DOCK8: variants seen among roughly 807,000 people sequenced by gnomAD.
DOCK8 encodes dedicator of cytokinesis protein 8.
Under a neutral mutation model 245.6 loss-of-function variants are expected in DOCK8, and 141 were observed. The observed-to-expected ratio is 0.57, with a 90% CI of 0.50 to 0.66. The LOEUF (loss-of-function observed/expected upper bound fraction) is 0.66, where lower values mean the gene tolerates loss of function less well. Ranked by LOEUF, DOCK8 falls within the 30% of genes least tolerant of loss-of-function variation. DOCK8 has a pLI of 0.00. For missense variants in DOCK8, 2,965 were observed against 2,603.4 expected (o/e 1.14, Z -3.02); for synonymous variants, 1,168 against 970.2 (o/e 1.20, Z -3.79).
Position 464,399 on chromosome 9 carries a change from G to A in DOCK8, c.*180G>A. 1.5e-6 allele frequency: 1 copy of A among 679,620 alleles called. No homozygotes were observed. The highest frequency in any genetic ancestry group is 2.7e-5 in the East Asian group (1 of 37,100). 42.1% of individuals were successfully genotyped at this position (679,620 alleles called of 1,614,324 possible). A position where few individuals can be genotyped will look rare whatever the true frequency, so the allele number is the denominator to read the frequency against. ...ATTATTCCCAAATGGACTCTGACCA[G>A]ATTTTTGCCATACTGGGGGGTGGCG... On this transcript the variant is annotated 3_prime_UTR_variant, in exon 48 of 48. Coordinates refer to ENST00000432829, the MANE Select transcript of DOCK8 (RefSeq NM_203447.4).
At chr9:391,942 C>A (rs1240125057) in intron 24 of DOCK8, among the ~76,000 whole-genome samples, 1 of 150,246 alleles carries the variant, frequency 6.7e-6, no homozygotes, top group Admixed American at 6.7e-5. Flanking sequence ...AGTTCGAGAC[C>A]AGCCTGGCCA....
chr9:370,838 G>T (rs937597519), intron 16 of DOCK8, among the ~76,000 whole-genome samples: 2 of 152,198 alleles, frequency 1.3e-5, no homozygotes, highest in Non-Finnish European at 2.9e-5. Context: ...TTTGATCCGG[G>T]CCTGATAACC....
In DOCK8 at chr9:429,617, C is replaced by T. The variant is rs77193342; in HGVS notation, c.4474-85C>T. On this transcript the variant is annotated intron_variant, in intron 35 of 47. Transcript: ENST00000432829. ...AACTCTTCTAGGCTTTTTGCTTGTC[C>T]AAATGGACATTTGCATATTTCAACG... is the stretch of plus-strand genomic sequence containing the variant. The T allele has an allele frequency of 0.043, 66,364 of 1,538,886 alleles. 1,659 individuals carry two copies. Among genetic ancestry groups the T allele is most frequent in the Middle Eastern group, 0.061 (308 of 5,038 alleles).
chr9:285,813 G>C lies in DOCK8; in HGVS notation c.157-648G>C, dbSNP rs545532883. On this transcript the variant is annotated intron_variant, in intron 2 of 47. Coordinates refer to ENST00000432829, the MANE Select transcript of DOCK8 (RefSeq NM_203447.4). ...AATTTAGCTATATGAAAACTCAGCA[G>C]ATTGCCCTGAGTTTCCTTGCGTAGC... Among the ~76,000 whole-genome samples, 4 of 152,276 alleles carry C rather than the reference G, an allele frequency of 2.6e-5. No homozygotes were observed. In the South Asian group the frequency reaches 6.2e-4, roughly 24 times the overall value.
chr9:437,048 A>AT (rs2056928845), intron 39 of DOCK8, among the ~76,000 whole-genome samples: 1 of 152,332 alleles, frequency 6.6e-6, no homozygotes, highest in Admixed American at 6.5e-5. Context: ...AAGCCAAATT[A>AT]TATTAATGTG....
chr9:224,976 T>G (rs589627), intron 1 of DOCK8, among the ~76,000 whole-genome samples: 68,002 of 152,064 alleles, frequency 0.45, 15,585 homozygotes, highest in East Asian at 0.74. Context: ...TATCTTACTC[T>G]TTCATTCCAA....
chr9:302,964 C>T (rs1042825441), intron 4 of DOCK8, among the ~76,000 whole-genome samples: 2 of 141,114 alleles, frequency 1.4e-5, no homozygotes, highest in African/African-American at 5.3e-5. Context: ...TGTGTCTCTA[C>T]AAAACATCAA....
upstream of DOCK8, among the ~76,000 whole-genome samples, chr9:211,374 G>A (rs753808504): frequency 5.3e-5 from 8 of 152,090 alleles, no homozygotes; most frequent in South Asian, 4.2e-4. Flanking sequence ...AAAAGGTCAC[G>A]CTTGGTCATA....
chr9:271,888 C>CCT (rs146927032), intron 2 of DOCK8, among the ~76,000 whole-genome samples, 159 bp downstream of exon 2: 2 of 151,652 alleles, frequency 1.3e-5, no homozygotes, highest in Non-Finnish European at 2.9e-5. Context: ...AGACAATATC[C>CCT]CTCTCTCTCT....
At chr9:407,120 C>T (rs1400111159) in intron 28 of DOCK8, 51 bp downstream of exon 28, 3 of 1,612,506 alleles carry the variant, frequency 1.9e-6, no homozygotes, top group South Asian at 2.2e-5. Flanking sequence ...AACAGATGTT[C>T]TTTAATAAAA....
At chr9:349,053 G>A (rs2052035391) in intron 14 of DOCK8, among the ~76,000 whole-genome samples, 1 of 152,204 alleles carries the variant, frequency 6.6e-6, no homozygotes, top group Non-Finnish European at 1.5e-5. Flanking sequence ...TATACTTCCA[G>A]ATCGTCTTTT....
In DOCK8 at chr9:392,011, G is replaced by A. The variant is rs112130279; in HGVS notation, c.2970+1445G>A. On this transcript the variant is annotated intron_variant, in intron 24 of 47. Transcript: ENST00000432829. Reference sequence around the variant, plus strand: ...AAATTAGCCGGGTGTGGTGGCGGGTGCCTGTAATCCCATCTACTCAGGAGG... The same window carrying A: ...AAATTAGCCGGGTGTGGTGGCGGGTACCTGTAATCCCATCTACTCAGGAGG... Among the ~76,000 whole-genome samples, 691 of 151,584 alleles carry A rather than the reference G, an allele frequency of 4.6e-3. 6 individuals carry two copies. The highest frequency in any genetic ancestry group is 0.016 in the African/African-American group (671 of 41,314).
intron 6 of DOCK8, chr9:312,540 A>C: frequency 2.5e-6 from 1 of 398,400 alleles, no homozygotes; most frequent in South Asian, 1.9e-5. Flanking sequence ...GACATACATT[A>C]CTTAAACTTT....
intron 4 of DOCK8, among the ~76,000 whole-genome samples, chr9:297,039 A>T (rs2049287481): frequency 6.6e-6 from 1 of 152,138 alleles, no homozygotes; most frequent in Non-Finnish European, 1.5e-5. Context: ...CCCTACCCCA[A>T]GGCATGGAGG....
Position 425,019 on chromosome 9 carries a change from A to G in DOCK8, c.4242-1866A>G, listed in dbSNP as rs563380701. Among the ~76,000 whole-genome samples, 7 of 152,368 alleles carry G rather than the reference A, an allele frequency of 4.6e-5. No individual in the cohort carries two copies. In the East Asian group the frequency reaches 1.2e-3, roughly 25 times the overall value. On this transcript the variant is annotated intron_variant, in intron 33 of 47. Coordinates refer to ENST00000432829, the MANE Select transcript of DOCK8 (RefSeq NM_203447.4). ...GATTTTGAAGGCTTATTGTGAATAA[A>G]AGAATAAAATATTTCACTAGTAATT...
intron 1 of DOCK8, among the ~76,000 whole-genome samples, chr9:271,163 A>C (rs2048154135): frequency 6.6e-6 from 1 of 152,352 alleles, no homozygotes; most frequent in South Asian, 2.1e-4. Flanking sequence ...GTATTCATAC[A>C]ACAGTTCTCT....
intron 2 of DOCK8, chr9:276,973 AT>A: frequency 2.9e-6 from 1 of 339,370 alleles, no homozygotes; most frequent in East Asian, 1.1e-4. Flanking sequence ...CGCCTGGCTA[AT>A]TTTTGTATTT....
chr9:421,167 A>G, intron 32 of DOCK8, 89 bp downstream of exon 32: 1 of 1,545,086 alleles, frequency 6.5e-7, no homozygotes. Context: ...ATTAGACACC[A>G]TTACTTTCTT....
At chr9:426,340 C>T (rs1249248107) in intron 33 of DOCK8, among the ~76,000 whole-genome samples, 1 of 152,174 alleles carries the variant, frequency 6.6e-6, no homozygotes, top group Non-Finnish European at 1.5e-5. Context: ...AGACCCCACG[C>T]ACTTGGCTGA....
Sources: allele counts gnomAD v4.1 joint callset (sites outside exome capture counted in the v4.1 genomes callset), GRCh38; gene constraint gnomAD v4.1.1; transcripts MANE v1.5; gene names NCBI Gene and HGNC (gene_info 2026-07-23, HGNC 2026-07-21).